PCDHA10: variants seen among roughly 807,000 people sequenced by gnomAD.
PCDHA10 encodes the protein protocadherin alpha-10.
A neutral mutation model predicts 61.2 loss-of-function variants in PCDHA10; 45 were observed. That is an observed-to-expected ratio of 0.74 (90% CI 0.58 to 0.94). The LOEUF is 0.94. Ranked by LOEUF, PCDHA10 falls within the 40% of genes least tolerant of loss-of-function variation. The pLI is 0.00. For missense variants in PCDHA10, 1,278 were observed against 1,236.2 expected, an observed-to-expected ratio of 1.03 and a Z score of -0.51; for synonymous variants, 602 against 548.8, an observed-to-expected ratio of 1.10 and a Z score of -1.35.
chr5:140,966,938 G>T, intron 1 of PCDHA10: 1 of 1,604,146 alleles, frequency 6.2e-7, no homozygotes, highest in African/African-American at 1.3e-5. Flanking sequence ...CGGCGCGCTC[G>T]TGGGCAACGT....
intron 1 of PCDHA10, chr5:140,871,553 G>GT (rs555355563): frequency 9.2e-4 from 1,372 of 1,491,042 alleles, no homozygotes; most frequent in South Asian, 9.1e-4. Flanking sequence ...TTAAAATCCA[G>GT]TTTTTTTTCA....
intron 1 of PCDHA10, chr5:140,968,986 A>C (rs143656335): frequency 6.8e-6 from 11 of 1,614,206 alleles, no homozygotes; most frequent in East Asian, 6.7e-5. Context: ...ATGGCACTGC[A>C]TGCTGTGGAG....
intron 1 of PCDHA10, among the ~76,000 whole-genome samples, chr5:140,886,387 T>C (rs1245808319): frequency 2.6e-5 from 4 of 152,234 alleles, no homozygotes; most frequent in African/African-American, 9.6e-5. Flanking sequence ...GCTTATCTAT[T>C]ATCTGCATCA....
chr5:140,881,446 TC>T, intron 1 of PCDHA10: 1 of 787,056 alleles, frequency 1.3e-6, no homozygotes, highest in Non-Finnish European at 1.5e-6. Flanking sequence ...AAAAACAGAA[TC>T]CAAAACCTTA....
At chr5:140,918,928 C>A (rs2078929450) in intron 1 of PCDHA10, among the ~76,000 whole-genome samples, 1 of 152,172 alleles carries the variant, frequency 6.6e-6, no homozygotes, top group South Asian at 2.1e-4. Context: ...CAGCATATGG[C>A]ATTTTGTTAT....
rs781815387 is a variant in PCDHA10, at chr5:140,978,983, C to A, written c.2423C>A (p.Ala808Asp). The part of the protein sequence containing the change: ...RQPNPDWRYS[A>D]SLRAGMHSSV... Reference sequence around the variant, plus strand: ...CCCAACCCTGACTGGCGTTACTCTGCCTCCCTGAGAGCAGGCATGCACAGG... The same window carrying A: ...CCCAACCCTGACTGGCGTTACTCTGACTCCCTGAGAGCAGGCATGCACAGG... Residue 808 changes from alanine (A) to aspartate (D), a missense_variant, in exon 2 of 4, where the codon GCC (alanine) becomes GAC (aspartate). By Grantham distance (126) the Ala-to-Asp change is moderately radical. Transcript: ENST00000307360. 1.6e-5 allele frequency: 26 copies of A among 1,614,142 alleles called. No homozygotes were observed. Among genetic ancestry groups the A allele is most frequent in the Non-Finnish European group, 2.2e-5 (26 of 1,180,024 alleles).
intron 1 of PCDHA10, among the ~76,000 whole-genome samples, chr5:140,878,826 C>G (rs1048428036): frequency 1.3e-5 from 2 of 152,182 alleles, no homozygotes; most frequent in Non-Finnish European, 2.9e-5. Flanking sequence ...CTATGTTGCA[C>G]AGGCTGGACT....
intron 1 of PCDHA10, chr5:140,927,485 C>T: frequency 6.2e-7 from 1 of 1,614,098 alleles, no homozygotes; most frequent in Non-Finnish European, 8.5e-7. Context: ...CAGCGCGCCA[C>T]CCACCTGCTG....
At chr5:140,924,903 AAAT>A (rs782701584) in intron 1 of PCDHA10, among the ~76,000 whole-genome samples, 3,132 of 54,516 alleles carry the variant, frequency 0.057, 46 homozygotes, top group African/African-American at 0.096. Context: ...TCAAAAAAAA[AAAT>A]AAAATAAAAT....
chr5:140,858,262 G>A lies in PCDHA10; in HGVS notation c.2214G>A (p.Val738=). The change falls in exon 1 of 4, where the codon GTG becomes GTA. Residue 738 remains valine (V), a synonymous_variant. Coordinates refer to ENST00000307360, the MANE Select transcript of PCDHA10 (RefSeq NM_018901.4). The part of the protein sequence containing the change: ...GACGPVKPTL[V]CSSAVGSWSY... Reference sequence around the variant, plus strand: ...GTGGGCCGGTGAAGCCCACGCTGGTGTGCTCTAGCGCGGTGGGGAGCTGGT... The same window carrying A: ...GTGGGCCGGTGAAGCCCACGCTGGTATGCTCTAGCGCGGTGGGGAGCTGGT... 2 of 1,597,236 alleles carry A rather than the reference G, an allele frequency of 1.3e-6. 1 individual carries two copies.
chr5:140,857,718 A>G lies in PCDHA10; in HGVS notation c.1670A>G (p.Glu557Gly). 1 of 1,597,160 alleles carries G rather than the reference A, an allele frequency of 6.3e-7. No homozygotes were observed. The highest frequency in any genetic ancestry group is 8.6e-7 in the Non-Finnish European group (1 of 1,167,618). ...ACGCTGCAGGTGTTCGTGCTGGACGAGAACGACAACGCTCCCGCGCTGCTG... is the reference window on the plus strand; with the variant it reads ...ACGCTGCAGGTGTTCGTGCTGGACGGGAACGACAACGCTCCCGCGCTGCTG... ...NLTLQVFVLDENDNAPALLAS... is the reference protein window; with the variant it reads ...NLTLQVFVLDGNDNAPALLAS... The change falls in exon 1 of 4, where the codon GAG (glutamate) becomes GGG (glycine). Residue 557 changes from glutamate to glycine, a missense_variant. Physicochemically the swap from Glu to Gly is moderately conservative, Grantham distance 98. Coordinates refer to ENST00000307360, the MANE Select transcript of PCDHA10 (RefSeq NM_018901.4).
rs544683188 is a variant in PCDHA10 at position 140,871,907 on chromosome 5, C to G, written c.2388+13471C>G. ...TCTTTGTCTTTTAGCAGAGTTTTGC[C>G]TTGATATTTCCACATTGTTAGATCA... On this transcript the variant is annotated intron_variant, in intron 1 of 3. Coordinates refer to ENST00000307360, the MANE Select transcript of PCDHA10 (RefSeq NM_018901.4). Among the ~76,000 whole-genome samples the G allele has an allele frequency of 3.9e-5, 6 of 152,316 alleles. No homozygotes were observed. In the South Asian group the frequency reaches 1.2e-3, roughly 32 times the overall value.
At chr5:140,973,400 A>G (rs2096585870) in intron 1 of PCDHA10, among the ~76,000 whole-genome samples, 1 of 152,244 alleles carries the variant, frequency 6.6e-6, no homozygotes, top group Non-Finnish European at 1.5e-5. Flanking sequence ...AATCATATCT[A>G]TGAGCTTCCA....
At chr5:140,920,609 G>C (rs1319890021) in intron 1 of PCDHA10, among the ~76,000 whole-genome samples, 1 of 152,160 alleles carries the variant, frequency 6.6e-6, no homozygotes. Flanking sequence ...ACTTTGGGAG[G>C]CCGAGGCGGA....
chr5:140,913,164 T>C (rs1211762965), intron 1 of PCDHA10, among the ~76,000 whole-genome samples: 1 of 152,208 alleles, frequency 6.6e-6, no homozygotes, highest in Non-Finnish European at 1.5e-5. Flanking sequence ...GGATTGGTAT[T>C]AGTTCTTCTT....
chr5:140,876,648 T>A, intron 1 of PCDHA10: 4 of 1,614,208 alleles, frequency 2.5e-6, no homozygotes, highest in Non-Finnish European at 3.4e-6. Flanking sequence ...TGACACCTCA[T>A]GTTCCCTTCA....
At chr5:140,868,907 A>T in intron 1 of PCDHA10, 1 of 869,128 alleles carries the variant, frequency 1.2e-6, no homozygotes, top group Non-Finnish European at 1.7e-6. Flanking sequence ...GTCGCTCTTT[A>T]CTTGGTGGAA....
intron 1 of PCDHA10, among the ~76,000 whole-genome samples, chr5:140,932,852 T>C (rs2088679496): frequency 1.3e-5 from 2 of 151,996 alleles, no homozygotes; most frequent in Non-Finnish European, 2.9e-5. Flanking sequence ...ATAATGTTAA[T>C]GACTTATTGT....
chr5:140,958,089 C>A (rs2095409002), intron 1 of PCDHA10, among the ~76,000 whole-genome samples: 1 of 151,872 alleles, frequency 6.6e-6, no homozygotes, highest in African/African-American at 2.4e-5. Context: ...TAAAGTTGTA[C>A]AATAGTGTGT....
Sources: allele counts gnomAD v4.1 joint callset (sites outside exome capture counted in the v4.1 genomes callset), GRCh38; gene constraint gnomAD v4.1.1; transcripts MANE v1.5; gene names NCBI Gene and HGNC (gene_info 2026-07-23, HGNC 2026-07-21).